PAX5: variants seen among roughly 807,000 people sequenced by gnomAD.
PAX5 encodes paired box 5.
In PAX5, 9 loss-of-function variants were observed where a neutral mutation model predicts 43.7. That is an observed-to-expected ratio of 0.21 (90% CI 0.12 to 0.36). The LOEUF (loss-of-function observed/expected upper bound fraction) is 0.36. Ranked by LOEUF, PAX5 falls within the 10% of genes least tolerant of loss-of-function variation. PAX5 has a pLI of 1.00. For synonymous variants in PAX5, 228 were observed against 214.3 expected (o/e 1.06, Z -0.56); for missense variants, 383 against 532.7 (o/e 0.72, Z 2.77).
At chr9:36,878,633 A>G (rs960752314) in intron 8 of PAX5, among the ~76,000 whole-genome samples, 1 of 152,224 alleles carries the variant, frequency 6.6e-6, no homozygotes, top group African/African-American at 2.4e-5. Flanking sequence ...CAGAAAGGCA[A>G]GTTGAGGCCA....
At chr9:36,913,604 G>A (rs566131281) in intron 7 of PAX5, among the ~76,000 whole-genome samples, 1 of 152,376 alleles carries the variant, frequency 6.6e-6, no homozygotes, top group Admixed American at 6.5e-5. Context: ...TAACAGGCTG[G>A]CCATGTCACC....
chr9:36,892,013 C>T (rs929421131), intron 7 of PAX5, among the ~76,000 whole-genome samples: 2 of 152,226 alleles, frequency 1.3e-5, no homozygotes, highest in African/African-American at 4.8e-5. Flanking sequence ...ACCTGCCTGG[C>T]ATTTTAGAGC....
At chr9:37,021,693 A>T (rs976806372) in intron 1 of PAX5, among the ~76,000 whole-genome samples, 1 of 152,212 alleles carries the variant, frequency 6.6e-6, no homozygotes, top group Non-Finnish European at 1.5e-5. Context: ...CTCTTACATC[A>T]AGGTCCATCT....
At chr9:36,934,771 G>A (rs1228972266) in intron 6 of PAX5, among the ~76,000 whole-genome samples, 1 of 152,192 alleles carries the variant, frequency 6.6e-6, no homozygotes, top group East Asian at 1.9e-4. Context: ...ACATTTAACT[G>A]TTTAGGGACA....
In PAX5 at chr9:36,919,765, G is replaced by A. The variant is rs559324999; in HGVS notation, c.910+3590C>T. Among the ~76,000 whole-genome samples, 534 of 148,372 alleles carry A rather than the reference G, an allele frequency of 3.6e-3. 5 individuals carry two copies. The highest frequency in any genetic ancestry group is 0.013 in the African/African-American group (514 of 40,070). On this transcript the variant is annotated intron_variant, in intron 7 of 9. Coordinates refer to ENST00000358127, the MANE Select transcript of PAX5 (RefSeq NM_016734.3). The stretch of plus-strand genomic sequence containing the variant: ...CTGAGGCAGAGAATTGCTTGAACCC[G>A]GGAGGCAGAGGTTGCAGTGAGCCCA...
intron 7 of PAX5, among the ~76,000 whole-genome samples, chr9:36,903,073 C>A (rs139493679): frequency 1.3e-5 from 2 of 152,272 alleles, no homozygotes; most frequent in African/African-American, 4.8e-5. Flanking sequence ...GCAGGCCGGG[C>A]AATGGAGGAT....
At chr9:36,881,302 C>T (rs1023015016) in intron 8 of PAX5, among the ~76,000 whole-genome samples, 2 of 152,106 alleles carry the variant, frequency 1.3e-5, no homozygotes, top group African/African-American at 2.4e-5. Context: ...AGTGGAGGCC[C>T]GATTTTCCTC....
chr9:36,912,249 C>G (rs1029947203), intron 7 of PAX5, among the ~76,000 whole-genome samples: 1 of 152,234 alleles, frequency 6.6e-6, no homozygotes, highest in Non-Finnish European at 1.5e-5. Context: ...GTAATAACTA[C>G]CATTTATGGG....
intron 7 of PAX5, among the ~76,000 whole-genome samples, chr9:36,904,223 C>G (rs1740515430): frequency 6.6e-6 from 1 of 152,164 alleles, no homozygotes; most frequent in Non-Finnish European, 1.5e-5. Context: ...TCATGGGACC[C>G]TAGCTTGGGC....
At chr9:36,973,960 A>G (rs1338530758) in intron 5 of PAX5, among the ~76,000 whole-genome samples, 2 of 152,142 alleles carry the variant, frequency 1.3e-5, no homozygotes, top group Admixed American at 1.3e-4. Flanking sequence ...AGATCATGCC[A>G]TTGCACTCCA....
chr9:36,957,427 C>T (rs1195554094), intron 6 of PAX5, among the ~76,000 whole-genome samples: 2 of 152,144 alleles, frequency 1.3e-5, no homozygotes, highest in East Asian at 3.9e-4. Flanking sequence ...TATTTGGGTA[C>T]TTGTTCAGTA....
chr9:36,879,863 G>A (rs539037622), intron 8 of PAX5, among the ~76,000 whole-genome samples: 18 of 152,292 alleles, frequency 1.2e-4, no homozygotes, highest in African/African-American at 2.4e-4. Context: ...CCGGTGGGGC[G>A]GGGCAAGGGG....
intron 6 of PAX5, among the ~76,000 whole-genome samples, chr9:36,932,629 C>T (rs1170673006): frequency 6.6e-6 from 1 of 152,110 alleles, no homozygotes; most frequent in Admixed American, 6.5e-5. Context: ...GAAACGAGTC[C>T]AAAACCAAAC....
chr9:36,985,820 C>T (rs1186811037), intron 5 of PAX5, among the ~76,000 whole-genome samples: 4 of 152,170 alleles, frequency 2.6e-5, no homozygotes, highest in Non-Finnish European at 5.9e-5. Flanking sequence ...GTGTTTGTGC[C>T]TTTTTCTAAT....
At chr9:36,914,471 G>A (rs1164044910) in intron 7 of PAX5, among the ~76,000 whole-genome samples, 1 of 152,152 alleles carries the variant, frequency 6.6e-6, no homozygotes, top group Admixed American at 6.5e-5. Flanking sequence ...TCTGTGCACG[G>A]GGAAAGCCCT....
At chr9:36,865,707 C>A (rs1028100800) in intron 8 of PAX5, among the ~76,000 whole-genome samples, 3 of 152,322 alleles carry the variant, frequency 2.0e-5, no homozygotes, top group Middle Eastern at 3.4e-3. Context: ...CAACTAGTAA[C>A]CCCTCCCAGT....
chr9:36,851,189 A>G (rs1236089082), intron 8 of PAX5, among the ~76,000 whole-genome samples: 2 of 152,178 alleles, frequency 1.3e-5, no homozygotes, highest in Non-Finnish European at 2.9e-5. Context: ...GGAAGAACAA[A>G]ACTACCTTTT....
At chr9:36,946,685 G>C (rs1444975237) in intron 6 of PAX5, among the ~76,000 whole-genome samples, 1 of 152,228 alleles carries the variant, frequency 6.6e-6, no homozygotes, top group Admixed American at 6.5e-5. Flanking sequence ...CTACGTGCTA[G>C]AGATAGGTTA....
intron 7 of PAX5, among the ~76,000 whole-genome samples, chr9:36,895,803 T>G (rs897299724): frequency 6.6e-6 from 1 of 152,132 alleles, no homozygotes; most frequent in Non-Finnish European, 1.5e-5. Context: ...ACCACCAAGT[T>G]CCACTGGGCA....
Sources: allele counts gnomAD v4.1 joint callset (sites outside exome capture counted in the v4.1 genomes callset), GRCh38; gene constraint gnomAD v4.1.1; transcripts MANE v1.5; gene names NCBI Gene and HGNC (gene_info 2026-07-23, HGNC 2026-07-21).